The following ABCA4 variants were observed in gnomAD, a reference collection of about 807,000 sequenced individuals.
The protein encoded by ABCA4 is ATP binding cassette subfamily A member 4.
A neutral mutation model predicts 263.7 loss-of-function variants in ABCA4; 196 were observed. That is an observed-to-expected ratio of 0.74 (90% CI 0.66 to 0.84). The LOEUF (loss-of-function observed/expected upper bound fraction) is 0.84. Ranked by LOEUF, ABCA4 falls within the 40% of genes least tolerant of loss-of-function variation. ABCA4 has a pLI of 0.00. For synonymous variants in ABCA4, 1,133 were observed against 1,094.2 expected (o/e 1.04, Z -0.70); for missense variants, 2,792 against 2,855.1 (o/e 0.98, Z 0.50).
chr1:94,102,880 T>A, intron 5 of ABCA4, 135 bp downstream of exon 5: 1 of 1,273,458 alleles, frequency 7.9e-7, no homozygotes, highest in Non-Finnish European at 1.1e-6. Flanking sequence ...TTTTTCTAAA[T>A]ACAAGGCATT....
rs1187900170 is a variant in ABCA4, at chr1:94,026,988, GAA to G, written c.4540-1942_4540-1941del. Among the ~76,000 whole-genome samples, 4 of 151,740 alleles carry G rather than the reference GAA, an allele frequency of 2.6e-5. No homozygotes were observed. The South Asian group carries it at 8.3e-4, about 32-fold the overall frequency. On this transcript the variant is annotated intron_variant, in intron 30 of 49. Transcript: ENST00000370225. ...AGAGAGAATGAGAAAGAGATTGAGA[GAA>G]AGAGTGAGAAAGAGTGAGAGAGTGA...
chr1:94,052,037 T>G (rs191765809), intron 16 of ABCA4, among the ~76,000 whole-genome samples: 4 of 152,320 alleles, frequency 2.6e-5, no homozygotes, highest in African/African-American at 7.2e-5. Context: ...TAAGATGTAC[T>G]GGATATTCTT....
intron 38 of ABCA4, among the ~76,000 whole-genome samples, chr1:94,012,616 T>C (rs1181584352): frequency 6.6e-6 from 1 of 152,164 alleles, no homozygotes; most frequent in Non-Finnish European, 1.5e-5. Context: ...CTAATAGAAA[T>C]CTACAGGCTG....
chr1:94,095,578 C>T (rs1025021740), intron 6 of ABCA4, among the ~76,000 whole-genome samples: 4 of 152,170 alleles, frequency 2.6e-5, no homozygotes, highest in African/African-American at 4.8e-5. Context: ...GGGGCCCCTT[C>T]CCTGGCCCCG....
chr1:94,041,982 C>T (rs1321271008), intron 22 of ABCA4, among the ~76,000 whole-genome samples: 1 of 151,636 alleles, frequency 6.6e-6, no homozygotes. Context: ...ACCTGTAGTC[C>T]CAGCTACTCA....
rs139035971 is a variant in ABCA4, at chr1:94,048,868, C to T, written c.2743G>A (p.Asp915Asn). The T allele has an allele frequency of 3.7e-6, 6 of 1,613,982 alleles. No homozygotes were observed. Among genetic ancestry groups the T allele is most frequent in the Non-Finnish European group, 4.2e-6 (5 of 1,179,928 alleles). ...EDPEHPEGIH[D>N]SFFEREHPGW... The stretch of plus-strand genomic sequence containing the variant: ...TGTGTATTCTTTATCGGGGTTTTAC[C>T]GTGTATTCCTTCTGGGTGCTCTGGA... The change falls in exon 18 of 50, where the codon GAC becomes AAC. Residue 915 changes from aspartate to asparagine, a missense_variant and splice_region_variant. Coordinates refer to ENST00000370225, the MANE Select transcript of ABCA4 (RefSeq NM_000350.3).
At chr1:94,005,414 A>G (rs1176615326) in intron 44 of ABCA4, 27 bp downstream of exon 44, 3 of 1,613,978 alleles carry the variant, frequency 1.9e-6, no homozygotes, top group South Asian at 2.2e-5. Flanking sequence ...CCAGACTCCT[A>G]TGTGGCCACA....
In ABCA4 at chr1:94,044,859, C is replaced by T. The variant is rs72958486; in HGVS notation, c.2919-115G>A. 12,246 of 1,535,074 alleles carry T rather than the reference C, an allele frequency of 8.0e-3. 310 individuals are homozygous for T. In the East Asian group the frequency reaches 0.081, roughly 10 times the overall value. On this transcript the variant is annotated intron_variant, in intron 19 of 49. Coordinates refer to ENST00000370225, the MANE Select transcript of ABCA4 (RefSeq NM_000350.3). ...CTCACAGATTCCTGCCTGGGGCTGTCAGTCAAACTCAAACCCCTATTAGCT... is the reference window on the plus strand; with the variant it reads ...CTCACAGATTCCTGCCTGGGGCTGTTAGTCAAACTCAAACCCCTATTAGCT...
At chr1:94,112,906 C>T (rs1180038000) in intron 2 of ABCA4, 67 bp downstream of exon 2, 6 of 1,245,536 alleles carry the variant, frequency 4.8e-6, no homozygotes, top group Non-Finnish European at 3.6e-6. Flanking sequence ...ACCCCAAGAT[C>T]TTTCTAGACA....
intron 4 of ABCA4, among the ~76,000 whole-genome samples, chr1:94,107,866 G>A (rs1172947975): frequency 1.3e-5 from 2 of 152,064 alleles, no homozygotes; most frequent in Non-Finnish European, 2.9e-5. Context: ...CACTTAAACA[G>A]GGTCATGGCA....
At chr1:94,113,831 T>G (rs942598684) in intron 1 of ABCA4, among the ~76,000 whole-genome samples, 1 of 152,250 alleles carries the variant, frequency 6.6e-6, no homozygotes, top group African/African-American at 2.4e-5. Flanking sequence ...AAAGTTGGTA[T>G]TTAAATTTCG....
At chr1:94,009,994 A>G (rs1042372958) in intron 40 of ABCA4, among the ~76,000 whole-genome samples, 1 of 152,226 alleles carries the variant, frequency 6.6e-6, no homozygotes, top group Non-Finnish European at 1.5e-5. Context: ...CAGTCCTGTG[A>G]GTAGAAAGGC....
At chr1:94,079,258 C>T (rs1359300324) in intron 9 of ABCA4, 64 bp downstream of exon 9, 14 of 1,603,048 alleles carry the variant, frequency 8.7e-6, no homozygotes, top group African/African-American at 2.7e-5. Flanking sequence ...CTCACACACA[C>T]ACACACACAC....
chr1:94,061,415 C>T (rs1162159760), intron 13 of ABCA4: 1 of 154,796 alleles, frequency 6.5e-6, no homozygotes, highest in East Asian at 1.9e-4. Context: ...TACACTGGAA[C>T]GACTTTCTTG....
At chr1:94,088,348 C>A (rs1240710976) in intron 6 of ABCA4, among the ~76,000 whole-genome samples, 2 of 152,190 alleles carry the variant, frequency 1.3e-5, no homozygotes, top group African/African-American at 4.8e-5. Context: ...TTCCCAAGGG[C>A]CTCCCTTGCT....
At chr1:94,097,805 A>T (rs896957853) in intron 6 of ABCA4, among the ~76,000 whole-genome samples, 4 of 152,180 alleles carry the variant, frequency 2.6e-5, no homozygotes, top group Non-Finnish European at 5.9e-5. Flanking sequence ...GCTGGAGTGC[A>T]GTGGCGCAAT....
At position 94,044,683 on chromosome 1, in the gene ABCA4, T is replaced by C. The variant is rs546606452; in HGVS notation, c.2980A>G (p.Ile994Val). The C allele has an allele frequency of 3.7e-6, 6 of 1,614,198 alleles. No individual in the cohort carries two copies. In the Admixed American group the frequency reaches 8.3e-5, roughly 22 times the overall value. ...CGGACTGCATCCAGGCTGGTTTCAA[T>C]GTCCCTTCCCCCAACGAGCACAGTC... ...SGTVLVGGRD[I>V]ETSLDAVRQS... is the part of the protein sequence containing the mutation. Residue 994 changes from isoleucine (I) to valine (V), a missense_variant, in exon 20 of 50, where the codon ATT becomes GTT. Ile to Val is a conservative substitution (Grantham distance 29). Transcript: ENST00000370225.
chr1:94,022,077 TC>T, intron 32 of ABCA4, 126 bp from the exon 33 acceptor site: 1 of 793,510 alleles, frequency 1.3e-6, no homozygotes, highest in Non-Finnish European at 2.2e-6. Flanking sequence ...GCAACATGGC[TC>T]CACTTTACAA....
intron 43 of ABCA4, among the ~76,000 whole-genome samples, chr1:94,006,719 G>A (rs3789377): frequency 0.19 from 28,185 of 152,168 alleles, 2,693 homozygotes; most frequent in African/African-American, 0.22. Flanking sequence ...CCAGTGAAGC[G>A]TGCTCAGGAC....
Sources: gnomAD v4.1 joint callset for allele counts (sites outside exome capture counted in the v4.1 genomes callset) on GRCh38, gnomAD v4.1.1 for gene constraint, MANE v1.5 for transcripts, NCBI Gene and HGNC (gene_info 2026-07-23, HGNC 2026-07-21) for gene names.